The following IKBKB variants were observed in gnomAD, a reference collection of about 807,000 sequenced individuals.
IKBKB encodes the protein inhibitor of nuclear factor kappa B kinase subunit beta, also known as inhibitor of nuclear factor kappa-B kinase subunit beta.
In IKBKB, 42 loss-of-function variants were observed where a neutral mutation model predicts 113.6. That is an observed-to-expected ratio of 0.37 (90% confidence interval 0.29 to 0.48). The LOEUF (loss-of-function observed/expected upper bound fraction) is 0.48. IKBKB is among the 20% of genes least tolerant of loss of function. IKBKB has a pLI of 0.99. For missense variants in IKBKB, 673 were observed against 939.7 expected (o/e 0.72, Z 3.71); for synonymous variants, 296 against 361.3 (o/e 0.82, Z 2.05).
At chr8:42,302,566 G>A (rs1815438961) in intron 5 of IKBKB, among the ~76,000 whole-genome samples, 1 of 152,154 alleles carries the variant, frequency 6.6e-6, no homozygotes, top group Admixed American at 6.5e-5. Context: ...CTGACATGAT[G>A]CCAGAAGTGG....
In IKBKB at chr8:42,318,610, C is replaced by T; in HGVS notation, c.1299C>T (p.Val433=). The T allele has an allele frequency of 6.2e-7, 1 of 1,614,018 alleles. No homozygotes were observed. Among genetic ancestry groups the T allele is most frequent in the African/African-American group, 1.3e-5 (1 of 75,068 alleles). Residue 433 remains valine (V), a synonymous_variant, in exon 13 of 22, where the codon GTC becomes GTT. Coordinates refer to ENST00000520810, the MANE Select transcript of IKBKB (RefSeq NM_001556.3). ...AGCTGAGGAAGGTGTGGGGCCAGGT[C>T]TGGCACAGCATCCAGACCCTGAAGG... The part of the protein sequence containing the change: ...FFQLRKVWGQ[V]WHSIQTLKED...
intron 2 of IKBKB, among the ~76,000 whole-genome samples, chr8:42,274,628 G>A (rs1455946925): frequency 6.6e-6 from 1 of 151,838 alleles, no homozygotes; most frequent in Admixed American, 6.6e-5. Flanking sequence ...TGCCTCCCAG[G>A]TTCAAGTGAT....
chr8:42,326,397 TCAGGGAGG>T, intron 20 of IKBKB: 1 of 321,508 alleles, frequency 3.1e-6, no homozygotes. Flanking sequence ...CACATTCCCT[TCAGGGAGG>T]CCCTGAAGCC....
intron 2 of IKBKB, among the ~76,000 whole-genome samples, chr8:42,287,222 G>A (rs1811593792): frequency 6.6e-6 from 1 of 152,236 alleles, no homozygotes; most frequent in Non-Finnish European, 1.5e-5. Flanking sequence ...GAGAAGAGGG[G>A]AGGCCGCCAG....
chr8:42,322,091 G>A lies in IKBKB; in HGVS notation c.1776G>A (p.Arg592=). The A allele has an allele frequency of 6.2e-7, 1 of 1,613,936 alleles. No homozygotes were observed. The highest frequency in any genetic ancestry group is 2.2e-5 in the East Asian group (1 of 44,850). The change falls in exon 18 of 22, where the codon CGG becomes CGA. Residue 592 remains arginine, a synonymous_variant. Transcript: ENST00000520810. ...AGGGTGACAGTCAGGAAATGGTACG[G>A]CTGCTGCTTCAGGCAATTCAGAGCT... The part of the protein sequence containing the change: ...RTEGDSQEMV[R]LLLQAIQSFE...
At chr8:42,304,691 C>T (rs1816147906) in intron 5 of IKBKB, among the ~76,000 whole-genome samples, 1 of 152,214 alleles carries the variant, frequency 6.6e-6, no homozygotes, top group Non-Finnish European at 1.5e-5. Context: ...GATCATATGA[C>T]CATAGGACTC....
intron 12 of IKBKB, 128 bp from the exon 13 acceptor site, chr8:42,318,424 C>G: frequency 9.4e-7 from 1 of 1,061,216 alleles, no homozygotes. Flanking sequence ...TAACACCCTC[C>G]AAAGTTACAT....
intron 6 of IKBKB, 27 bp downstream of exon 6, chr8:42,305,302 G>GC (rs1563335087): frequency 6.7e-7 from 1 of 1,489,800 alleles, no homozygotes; most frequent in East Asian, 2.3e-5. Flanking sequence ...GACTGGGAAA[G>GC]CCTCAGGTGG....
intron 4 of IKBKB, 40 bp downstream of exon 4, chr8:42,290,313 G>A (rs1397425333): frequency 1.4e-6 from 2 of 1,406,344 alleles, no homozygotes; most frequent in Non-Finnish European, 2.0e-6. Context: ...GCCTGTCTGG[G>A]CAGGTGGGAC....
At chr8:42,314,646 G>A (rs147413701) in intron 9 of IKBKB, among the ~76,000 whole-genome samples, 100 of 151,904 alleles carry the variant, frequency 6.6e-4, no homozygotes, top group Non-Finnish European at 1.0e-3. Flanking sequence ...GTGGTAGCAC[G>A]CACCTGTAAT....
At position 42,308,891 on chromosome 8, in the gene IKBKB, G is replaced by A; in HGVS notation, c.568-10G>A. The A allele has an allele frequency of 1.9e-6, 3 of 1,613,736 alleles. No homozygotes were observed. In the South Asian group the frequency reaches 3.3e-5, roughly 18 times the overall value. On this transcript the variant is annotated splice_polypyrimidine_tract_variant and intron_variant, in intron 7 of 21. Transcript: ENST00000520810. ...GAGCAGCTCAGGTGTACCCCCTCCT[G>A]TTGCTGCAGGCCCCAGAGCTACTGG...
intron 1 of IKBKB, 103 bp downstream of exon 1, chr8:42,271,572 G>A (rs1460655782): frequency 1.8e-6 from 1 of 559,766 alleles, no homozygotes; most frequent in Non-Finnish European, 3.1e-6. Context: ...GGAAGTCGCA[G>A]CTTGCGGACT....
intron 4 of IKBKB, among the ~76,000 whole-genome samples, chr8:42,292,731 CGAG>C (rs545018276): frequency 6.6e-6 from 1 of 152,186 alleles, no homozygotes; most frequent in East Asian, 1.9e-4. Flanking sequence ...TCTTGACAGT[CGAG>C]GGGGCCAGGA....
intron 2 of IKBKB, among the ~76,000 whole-genome samples, chr8:42,275,261 C>T (rs951664021): frequency 3.9e-5 from 6 of 151,900 alleles, no homozygotes; most frequent in Admixed American, 3.3e-4. Context: ...CATCATGGCT[C>T]ACTGTAGCCT....
At chr8:42,317,525 G>A in intron 11 of IKBKB, 132 bp from the exon 12 acceptor site, 3 of 669,170 alleles carry the variant, frequency 4.5e-6, no homozygotes, top group Non-Finnish European at 8.1e-6. Flanking sequence ...ACACTTCATG[G>A]ATGCTTCCTA....
At chr8:42,273,959 C>T (rs1808371004) in intron 2 of IKBKB, among the ~76,000 whole-genome samples, 1 of 152,168 alleles carries the variant, frequency 6.6e-6, no homozygotes, top group South Asian at 2.1e-4. Context: ...TTGGCGTGTT[C>T]ATCACTTGAA....
In IKBKB at chr8:42,308,784, T is replaced by C. The variant is rs1180361363; in HGVS notation, c.568-117T>C. On this transcript the variant is annotated intron_variant, in intron 7 of 21. Coordinates refer to ENST00000520810, the MANE Select transcript of IKBKB (RefSeq NM_001556.3). ...GGGTGCCCTCCTCGCCCTGCATGCA[T>C]GTGCCAGTGCCCTCTAGGATGAAGC... The C allele has an allele frequency of 4.3e-6, 4 of 926,684 alleles. No homozygotes were observed. In the East Asian group the frequency reaches 7.2e-5, roughly 17 times the overall value. 57.4% of individuals were successfully genotyped at this position (926,684 alleles called of 1,614,324 possible).
Position 42,309,037 on chromosome 8 carries a change from CG to C in IKBKB, c.692+16del. 6.2e-7 allele frequency: 1 copy of C among 1,611,596 alleles called. No individual in the cohort carries two copies. ...CAGCCCGTGCAGTGGTGAGTGGGCCCGGGGCACCTGGATGGAGGAGGGAGCC... is the reference window on the plus strand; with the variant it reads ...CAGCCCGTGCAGTGGTGAGTGGGCCCGGGCACCTGGATGGAGGAGGGAGCC... On this transcript the variant is annotated intron_variant, in intron 8 of 21. Transcript: ENST00000520810.
intron 2 of IKBKB, among the ~76,000 whole-genome samples, chr8:42,273,186 G>A (rs1348276445): frequency 6.6e-6 from 1 of 152,070 alleles, no homozygotes; most frequent in Admixed American, 6.6e-5. Flanking sequence ...GGAGGCCGAG[G>A]CAGGAGGATC....
Sources: allele counts gnomAD v4.1 joint callset (sites outside exome capture counted in the v4.1 genomes callset), GRCh38; gene constraint gnomAD v4.1.1; transcripts MANE v1.5; gene names NCBI Gene and HGNC (gene_info 2026-07-23, HGNC 2026-07-21).